MAPRE2: variants seen among roughly 807,000 people sequenced by gnomAD.
MAPRE2 encodes the protein microtubule-associated protein RP/EB family member 2.
Under a neutral mutation model 43.2 loss-of-function variants are expected in MAPRE2, and 13 were observed. The observed-to-expected ratio is 0.30, with a 90% CI of 0.20 to 0.48. The LOEUF is 0.48. Ranked by LOEUF, MAPRE2 falls within the 20% of genes least tolerant of loss-of-function variation. MAPRE2 has a pLI of 0.99. For synonymous variants in MAPRE2, 135 were observed against 148.8 expected, an observed-to-expected ratio of 0.91 and a Z score of 0.68; for missense variants, 161 against 400.2, an observed-to-expected ratio of 0.40 and a Z score of 5.10.
chr18:35,080,990 G>T (rs1401456581), intron 2 of MAPRE2, among the ~76,000 whole-genome samples: 2 of 152,152 alleles, frequency 1.3e-5, no homozygotes, highest in Non-Finnish European at 2.9e-5. Flanking sequence ...TGCGAGTCCT[G>T]TTTCCTGCAG....
chr18:35,022,399 TCA>T (rs2097042455), intron 2 of MAPRE2, among the ~76,000 whole-genome samples: 2 of 100,284 alleles, frequency 2.0e-5, no homozygotes, highest in South Asian at 7.1e-4. Context: ...GTATTTTTTA[TCA>T]TAAGATAACG....
chr18:35,014,979 G>A (rs1037236940), intron 2 of MAPRE2, among the ~76,000 whole-genome samples: 1 of 152,072 alleles, frequency 6.6e-6, no homozygotes, highest in Non-Finnish European at 1.5e-5. Context: ...TTACTCTGAG[G>A]TTGACATGTC....
chr18:34,992,904 G>A (rs1603387461), intron 1 of MAPRE2, among the ~76,000 whole-genome samples: 2 of 152,120 alleles, frequency 1.3e-5, no homozygotes, highest in South Asian at 2.1e-4. Context: ...TTAGTGTTGG[G>A]TTGTCTCTCC....
upstream of MAPRE2, among the ~76,000 whole-genome samples, chr18:35,036,611 A>C (rs2097050700): frequency 6.6e-6 from 1 of 152,128 alleles, no homozygotes; most frequent in Non-Finnish European, 1.5e-5. Context: ...GTTGCATGAA[A>C]AGCCCTTTAT....
At chr18:35,047,730 A>AC (rs1568983569) in intron 1 of MAPRE2, among the ~76,000 whole-genome samples, 1 of 151,840 alleles carries the variant, frequency 6.6e-6, no homozygotes, top group Non-Finnish European at 1.5e-5. Context: ...AAAAAAAAAA[A>AC]AACACTGTGT....
At chr18:35,123,551 T>C (rs1323798157) in intron 4 of MAPRE2, among the ~76,000 whole-genome samples, 1 of 152,220 alleles carries the variant, frequency 6.6e-6, no homozygotes, top group Non-Finnish European at 1.5e-5. Flanking sequence ...ATATACTGAC[T>C]GAGTTTACTC....
At chr18:34,977,241 G>A (rs1032056024) in intron 1 of MAPRE2, among the ~76,000 whole-genome samples, 2 of 152,170 alleles carry the variant, frequency 1.3e-5, no homozygotes, top group South Asian at 2.1e-4. Flanking sequence ...CCAGAGTCTA[G>A]CAAGAAGTTG....
chr18:35,031,460 T>C lies in MAPRE2; in HGVS notation c.-8+25907T>C, dbSNP rs57523973. 1.2e-3 allele frequency among the ~76,000 whole-genome samples: 189 copies of C among 152,356 alleles called. 2 individuals carry two copies. The highest frequency in any genetic ancestry group is 4.4e-3 in the African/African-American group (183 of 41,590). On this transcript the variant is annotated intron_variant, in intron 2 of 7. Coordinates refer to the MAPRE2 transcript ENST00000413393. Reference sequence around the variant, plus strand: ...AAAGCTCTTAAATTTAGCCAGATGGTATAATTCAAAAGTACATTTTTGTTT... The same window carrying C: ...AAAGCTCTTAAATTTAGCCAGATGGCATAATTCAAAAGTACATTTTTGTTT...
At position 35,097,426 on chromosome 18, in the gene MAPRE2, C is replaced by T; in HGVS notation, c.251-20C>T. On this transcript the variant is annotated intron_variant, in intron 2 of 6. Coordinates refer to ENST00000300249, the MANE Select transcript of MAPRE2 (RefSeq NM_014268.4). ...GGGTACAGTGAGACTCACTCCAGTA[C>T]TGTTCTTGTTTCTTTCCAGGAGCGG... 5.6e-6 allele frequency: 9 copies of T among 1,611,788 alleles called. No homozygotes were observed. The highest frequency in any genetic ancestry group is 7.6e-6 in the Non-Finnish European group (9 of 1,178,550).
At chr18:35,123,905 G>C (rs1909794050) in intron 4 of MAPRE2, among the ~76,000 whole-genome samples, 1 of 152,220 alleles carries the variant, frequency 6.6e-6, no homozygotes, top group Admixed American at 6.5e-5. Context: ...CATGGGAGAA[G>C]TAGACATTAA....
intron 2 of MAPRE2, among the ~76,000 whole-genome samples, chr18:35,030,494 T>C (rs2097047325): frequency 6.6e-6 from 1 of 152,230 alleles, no homozygotes; most frequent in Admixed American, 6.5e-5. Flanking sequence ...ACTTCCTGTC[T>C]GGTTATTTGG....
At chr18:35,060,938 A>T (rs1231448821) in intron 1 of MAPRE2, among the ~76,000 whole-genome samples, 1 of 152,198 alleles carries the variant, frequency 6.6e-6, no homozygotes, top group Non-Finnish European at 1.5e-5. Context: ...TTCTTAAAAC[A>T]TATGTAGAAT....
At chr18:35,087,629 G>A (rs891908782) in intron 2 of MAPRE2, among the ~76,000 whole-genome samples, 1 of 152,092 alleles carries the variant, frequency 6.6e-6, no homozygotes, top group Non-Finnish European at 1.5e-5. Context: ...CAACTGCTAT[G>A]CAGATCTTCA....
At chr18:35,079,671 A>G (rs527347656) in intron 2 of MAPRE2, among the ~76,000 whole-genome samples, 9 of 152,300 alleles carry the variant, frequency 5.9e-5, no homozygotes, top group African/African-American at 2.2e-4. Context: ...AGTCTTAAAG[A>G]TTTACTCACC....
chr18:35,077,552 T>A (rs758997071), intron 2 of MAPRE2, among the ~76,000 whole-genome samples: 5 of 152,138 alleles, frequency 3.3e-5, no homozygotes, highest in Non-Finnish European at 7.3e-5. Flanking sequence ...GAAATCTAAG[T>A]TGGATACAGT....
At position 35,140,507 on chromosome 18, in the gene MAPRE2, C is replaced by G; in HGVS notation, c.*138C>G. 1 of 814,624 alleles carries G rather than the reference C, an allele frequency of 1.2e-6. No homozygotes were observed. Among genetic ancestry groups the G allele is most frequent in the African/African-American group, 1.7e-5 (1 of 58,644 alleles). The allele number at this position is 814,624 out of a possible 1,614,324, so 50.5% of individuals were successfully genotyped here. A position where few individuals can be genotyped will look rare whatever the true frequency, so the allele number is the denominator to read the frequency against. Reference sequence around the variant, plus strand: ...TACCATCAACGCACTGTTGCATATGCCAGCCACTGCGCTTGGTTCCCATTT... The same window carrying G: ...TACCATCAACGCACTGTTGCATATGGCAGCCACTGCGCTTGGTTCCCATTT... On this transcript the variant is annotated 3_prime_UTR_variant, in exon 7 of 7. Coordinates refer to ENST00000300249, the MANE Select transcript of MAPRE2 (RefSeq NM_014268.4).
intron 4 of MAPRE2, among the ~76,000 whole-genome samples, chr18:35,123,079 G>A (rs886910986): frequency 9.8e-5 from 15 of 152,330 alleles, no homozygotes; most frequent in East Asian, 1.9e-4. Context: ...TTCTCCCTGC[G>A]TGTCTCACTG....
chr18:35,039,892 C>A (rs961157863), upstream of MAPRE2, among the ~76,000 whole-genome samples: 28 of 152,146 alleles, frequency 1.8e-4, no homozygotes, highest in Non-Finnish European at 3.7e-4. Context: ...GGTCAGAGAC[C>A]ACTGCTGATA....
chr18:35,083,921 G>A (rs1907755099), intron 2 of MAPRE2, among the ~76,000 whole-genome samples: 1 of 152,124 alleles, frequency 6.6e-6, no homozygotes, highest in Non-Finnish European at 1.5e-5. Flanking sequence ...TTGAAAGATA[G>A]TAGAAAATAC....
Sources: gnomAD v4.1 joint callset for allele counts (sites outside exome capture counted in the v4.1 genomes callset) on GRCh38, gnomAD v4.1.1 for gene constraint, MANE v1.5 for transcripts, NCBI Gene and HGNC (gene_info 2026-07-23, HGNC 2026-07-21) for gene names.